The following CACNA1A variants were observed in gnomAD, a reference collection of about 807,000 sequenced individuals.
CACNA1A encodes the protein calcium voltage-gated channel subunit alpha1 A, also known as voltage-dependent P/Q-type calcium channel subunit alpha-1A.
Under a neutral mutation model 262.4 loss-of-function variants are expected in CACNA1A, and 57 were observed. The observed-to-expected ratio is 0.22, with a 90% CI of 0.18 to 0.27. The LOEUF (loss-of-function observed/expected upper bound fraction) is 0.27, where lower values mean the gene tolerates loss of function less well. Ranked by LOEUF, CACNA1A falls within the 10% of genes least tolerant of loss-of-function variation. The probability of loss-of-function intolerance (pLI) is 1.00; values close to 1 mark genes in which losing one functional copy is unlikely to be tolerated. For missense variants in CACNA1A, 2,526 were observed against 3,562.8 expected (o/e 0.71, Z 7.41); for synonymous variants, 1,431 against 1,419.3 (o/e 1.01, Z -0.18).
intron 3 of CACNA1A, among the ~76,000 whole-genome samples, chr19:13,447,528 G>C (rs1568654641): frequency 6.6e-6 from 1 of 152,156 alleles, no homozygotes; most frequent in Non-Finnish European, 1.5e-5. Context: ...ATATATGAAA[G>C]GGAGTTTATA....
chr19:13,490,439 C>T (rs1443411610), intron 1 of CACNA1A, among the ~76,000 whole-genome samples: 1 of 152,008 alleles, frequency 6.6e-6, no homozygotes, highest in Non-Finnish European at 1.5e-5. Flanking sequence ...TCCATCTCTA[C>T]TAAAAATGCA....
chr19:13,245,295 C>T (rs368686735), intron 30 of CACNA1A, 30 bp from the exon 31 acceptor site: 69 of 1,584,972 alleles, frequency 4.4e-5, no homozygotes, highest in East Asian at 6.7e-5. Context: ...GACAGAGATG[C>T]CAACAGAGGG....
chr19:13,403,376 A>G (rs1298200569), intron 3 of CACNA1A, among the ~76,000 whole-genome samples: 1 of 152,162 alleles, frequency 6.6e-6, no homozygotes, highest in Non-Finnish European at 1.5e-5. Context: ...TCTCCATTTT[A>G]TAGATAAAGA....
At chr19:13,365,668 A>AG in intron 4 of CACNA1A, 199 bp from the exon 5 acceptor site, 1 of 490,260 alleles carries the variant, frequency 2.0e-6, no homozygotes, top group South Asian at 3.4e-5. Flanking sequence ...AACACTTCCT[A>AG]GGTTTTTTTT....
intron 5 of CACNA1A, among the ~76,000 whole-genome samples, chr19:13,360,263 G>GTATATATATATATATATATATA (rs1194785047): frequency 3.0e-5 from 2 of 66,274 alleles, no homozygotes; most frequent in Non-Finnish European, 5.0e-5. Context: ...GTGTGTGTGT[G>GTATATATATATATATATATATA]TGTATATATA....
intron 25 of CACNA1A, 39 bp downstream of exon 25, chr19:13,262,695 C>T (rs1253564005): frequency 7.8e-7 from 1 of 1,274,124 alleles, no homozygotes; most frequent in Non-Finnish European, 1.1e-6. Flanking sequence ...ATAACCCTGA[C>T]AGTCCCCCCC....
At chr19:13,270,572 G>A (rs940247305) in intron 24 of CACNA1A, among the ~76,000 whole-genome samples, 33 of 152,218 alleles carry the variant, frequency 2.2e-4, no homozygotes, top group African/African-American at 7.5e-4. Flanking sequence ...AACCTGTAAC[G>A]GGGAGAAGAT....
chr19:13,350,668 T>G (rs2058890188), intron 6 of CACNA1A, among the ~76,000 whole-genome samples: 3 of 152,062 alleles, frequency 2.0e-5, no homozygotes, highest in Admixed American at 1.3e-4. Flanking sequence ...GTTGATGTGT[T>G]ATGAAGAATC....
intron 27 of CACNA1A, chr19:13,258,404 A>C (rs1183451896): frequency 6.6e-6 from 1 of 152,246 alleles, no homozygotes; most frequent in Non-Finnish European, 1.5e-5. Context: ...CACACTGCTC[A>C]AAGGCTCTGT....
At chr19:13,269,290 A>G (rs2056955209) in intron 24 of CACNA1A, among the ~76,000 whole-genome samples, 1 of 152,190 alleles carries the variant, frequency 6.6e-6, no homozygotes, top group South Asian at 2.1e-4. Flanking sequence ...CATTATGACC[A>G]TTTTCCAGAT....
At chr19:13,242,771 G>GT (rs2056113712) in intron 31 of CACNA1A, among the ~76,000 whole-genome samples, 2 of 152,186 alleles carry the variant, frequency 1.3e-5, no homozygotes, top group Non-Finnish European at 2.9e-5. Flanking sequence ...TGTCTTTTGA[G>GT]TGCATGCATC....
intron 1 of CACNA1A, among the ~76,000 whole-genome samples, chr19:13,474,716 C>T (rs1196417676): frequency 6.6e-6 from 1 of 151,896 alleles, no homozygotes; most frequent in Non-Finnish European, 1.5e-5. Context: ...ACTTGGGATG[C>T]TGAGGCAGGA....
At chr19:13,251,549 G>A (rs1385219645) in intron 30 of CACNA1A, among the ~76,000 whole-genome samples, 1 of 152,082 alleles carries the variant, frequency 6.6e-6, no homozygotes, top group Non-Finnish European at 1.5e-5. Context: ...TTAATCACAA[G>A]CAACATTTTA....
intron 1 of CACNA1A, among the ~76,000 whole-genome samples, chr19:13,455,869 C>CAA (rs766436872): frequency 0.033 from 2,528 of 76,022 alleles, 34 homozygotes; most frequent in Non-Finnish European, 0.056. Flanking sequence ...GGCCCTGTCT[C>CAA]AAAAAAAAAA....
At chr19:13,474,246 T>TGA (rs1978311502) in intron 1 of CACNA1A, among the ~76,000 whole-genome samples, 1 of 152,124 alleles carries the variant, frequency 6.6e-6, no homozygotes, top group South Asian at 2.1e-4. Context: ...CTTACAACCA[T>TGA]GAAGACAGAT....
chr19:13,402,985 G>A (rs781084477), intron 3 of CACNA1A, among the ~76,000 whole-genome samples: 1 of 145,406 alleles, frequency 6.9e-6, no homozygotes, highest in South Asian at 2.2e-4. Flanking sequence ...CATCTAGATC[G>A]TCTGCTCAAA....
intron 6 of CACNA1A, among the ~76,000 whole-genome samples, chr19:13,357,932 A>C (rs1001353894): frequency 2.0e-5 from 3 of 152,122 alleles, no homozygotes; most frequent in African/African-American, 7.2e-5. Flanking sequence ...ACCTGAGCCC[A>C]GGAGTTTAAG....
chr19:13,286,559 G>C lies in CACNA1A; in HGVS notation c.3497C>G (p.Thr1166Ser). 1 of 1,549,408 alleles carries C rather than the reference G, an allele frequency of 6.5e-7. No individual in the cohort carries two copies. The highest frequency in any genetic ancestry group is 1.3e-5 in the South Asian group (1 of 79,130). The change falls in exon 20 of 47, where the codon ACC becomes AGC. Residue 1166 changes from threonine to serine, a missense_variant. Around this residue, in one of 17 missense-constraint regions of CACNA1A, gnomAD observed 765 missense variants for 748.6 expected, o/e 1.02. Coordinates refer to ENST00000360228, the MANE Select transcript of CACNA1A (RefSeq NM_001127222.2). ...GCAGGCTGGGGGGATGTCCACTGTG[G>C]TGTGGTCGGGTTTCCTGGCAGTCTT... Reference protein sequence around the residue: ...SAKTARKPDHTTVDIPPACPP... With the variant: ...SAKTARKPDHSTVDIPPACPP...
rs988322717 is a variant in CACNA1A at position 13,236,230 on chromosome 19, G to A, written c.4951-500C>T. On this transcript the variant is annotated intron_variant, in intron 31 of 46. Transcript: ENST00000360228. The surrounding 1 kb of genome is among the most constrained non-coding windows in gnomAD (Gnocchi z 4.6). ...ACACCAGGGCGGGGGTGGGGGTGGAGGTCGCCAGCACAGTCAGGCCTGGTG... is the reference window on the plus strand; with the variant it reads ...ACACCAGGGCGGGGGTGGGGGTGGAAGTCGCCAGCACAGTCAGGCCTGGTG... 2.6e-5 allele frequency among the ~76,000 whole-genome samples: 4 copies of A among 152,070 alleles called. No individual in the cohort carries two copies. In the East Asian group the frequency reaches 5.8e-4, roughly 22 times the overall value.
Sources: gnomAD v4.1 joint callset for allele counts (sites outside exome capture counted in the v4.1 genomes callset) on GRCh38, gnomAD v4.1.1 for gene constraint, gnomAD v4.1.1 regional missense constraint, Gnocchi (gnomAD v3.1) non-coding constraint, MANE v1.5 for transcripts, NCBI Gene and HGNC (gene_info 2026-07-23, HGNC 2026-07-21) for gene names.